The following TMEM132C variants were observed in gnomAD, a reference collection of about 807,000 sequenced individuals.
The protein encoded by TMEM132C is protein phosphatase 1, regulatory subunit 152.
TMEM132C carries 29 observed loss-of-function variants against 61.4 expected under a neutral mutation model. The ratio of observed to expected loss-of-function variants is 0.47; its 90% confidence interval spans 0.35 to 0.64. TMEM132C has a LOEUF of 0.64. Among genes scored for constraint, TMEM132C ranks in the 30% least tolerant of loss-of-function variants. The pLI is 0.00. For synonymous variants in TMEM132C, 656 were observed against 633.1 expected (o/e 1.04, Z -0.54); for missense variants, 1,408 against 1,476.9 (o/e 0.95, Z 0.76).
intron 1 of TMEM132C, among the ~76,000 whole-genome samples, chr12:128,353,471 G>A (rs555224227): frequency 6.6e-6 from 1 of 152,334 alleles, no homozygotes; most frequent in African/African-American, 2.4e-5. Context: ...TGCAGTGGCA[G>A]CATTCACAAG....
intron 1 of TMEM132C, among the ~76,000 whole-genome samples, chr12:128,333,662 T>C (rs1436911403): frequency 2.0e-5 from 3 of 151,506 alleles, no homozygotes; most frequent in Non-Finnish European, 4.4e-5. Context: ...GAGTTTATGG[T>C]GTGTGTGGTG....
intron 1 of TMEM132C, among the ~76,000 whole-genome samples, chr12:128,322,437 AT>A (rs1459650655): frequency 1.3e-5 from 2 of 152,242 alleles, no homozygotes; most frequent in African/African-American, 2.4e-5. Context: ...TAAGACAGAA[AT>A]TTTTGGAATG....
intron 2 of TMEM132C, among the ~76,000 whole-genome samples, chr12:128,528,310 C>T (rs745347738): frequency 2.0e-5 from 3 of 152,196 alleles, no homozygotes; most frequent in Non-Finnish European, 2.9e-5. Context: ...ACGATCTCTC[C>T]TCCTGATGGT....
chr12:128,568,116 G>A (rs569608729), intron 3 of TMEM132C, among the ~76,000 whole-genome samples: 1 of 152,296 alleles, frequency 6.6e-6, no homozygotes, highest in South Asian at 2.1e-4. Context: ...AACAAATGAT[G>A]CCAGGAGTAC....
chr12:128,467,941 T>C (rs1421074776), intron 2 of TMEM132C, among the ~76,000 whole-genome samples: 1 of 152,184 alleles, frequency 6.6e-6, no homozygotes, highest in African/African-American at 2.4e-5. Context: ...GGGGCATCAA[T>C]CAGACGGTCA....
chr12:128,334,735 A>G (rs1872751311), intron 1 of TMEM132C, among the ~76,000 whole-genome samples: 1 of 151,826 alleles, frequency 6.6e-6, no homozygotes, highest in Non-Finnish European at 1.5e-5. Context: ...AGCTGGGACT[A>G]CAGGTGCCCG....
chr12:128,359,950 C>T (rs148009284), intron 1 of TMEM132C, among the ~76,000 whole-genome samples: 76 of 152,168 alleles, frequency 5.0e-4, no homozygotes, highest in African/African-American at 1.4e-3. Context: ...TCCAGGAGGA[C>T]GGGTGATGAA....
intron 4 of TMEM132C, among the ~76,000 whole-genome samples, chr12:128,633,725 T>C (rs898646706): frequency 1.3e-5 from 2 of 152,216 alleles, no homozygotes; most frequent in Non-Finnish European, 2.9e-5. Context: ...GATTCTCACA[T>C]GGAAATCTAG....
chr12:128,415,366 CTG>C lies in TMEM132C; in HGVS notation c.723_724del (p.Ala242ArgfsTer3). 1 of 1,560,274 alleles carries C rather than the reference CTG, an allele frequency of 6.4e-7. No individual in the cohort carries two copies. The highest frequency in any genetic ancestry group is 8.7e-7 in the Non-Finnish European group (1 of 1,150,996). Reference sequence around the variant, plus strand: ...TGCACCCAGGAAACGAGCGAGGGGACTGTGCCGGGGGTGACTTCAGGAAGGGC... The same window carrying C: ...TGCACCCAGGAAACGAGCGAGGGGACTGCCGGGGGTGACTTCAGGAAGGGC... ...TVHPGNERGDCAGGDFRKGNA... is the reference protein window; with the variant it reads ...TVHPGNERGDXAGGDFRKGNA... On this transcript the variant is annotated frameshift_variant, in exon 2 of 9. Coordinates refer to ENST00000435159, the MANE Select transcript of TMEM132C (RefSeq NM_001136103.3). LOFTEE classifies it high-confidence loss of function. This position sits in a 1 kb window ranked among gnomAD's most constrained non-coding sequence, Gnocchi z 5.8.
intron 3 of TMEM132C, among the ~76,000 whole-genome samples, chr12:128,575,741 G>A (rs1875068621): frequency 6.6e-6 from 1 of 152,172 alleles, no homozygotes; most frequent in African/African-American, 2.4e-5. Context: ...TTATTTAAAA[G>A]TTATGGAATT....
chr12:128,428,938 T>G (rs1463430625), intron 2 of TMEM132C, among the ~76,000 whole-genome samples: 2 of 152,226 alleles, frequency 1.3e-5, no homozygotes, highest in Non-Finnish European at 2.9e-5. Context: ...CCATTTTCAA[T>G]GCATTATTAT....
At chr12:128,335,690 G>A (rs914223414) in intron 1 of TMEM132C, among the ~76,000 whole-genome samples, 1 of 152,190 alleles carries the variant, frequency 6.6e-6, no homozygotes, top group Non-Finnish European at 1.5e-5. Flanking sequence ...ACTACGTGAT[G>A]AAGCCAGTAT....
chr12:128,379,937 T>C (rs973146643), intron 1 of TMEM132C, among the ~76,000 whole-genome samples: 1 of 152,210 alleles, frequency 6.6e-6, no homozygotes, highest in Non-Finnish European at 1.5e-5. Context: ...CTGGGGATAG[T>C]CCGTGAGTAT....
intron 2 of TMEM132C, among the ~76,000 whole-genome samples, chr12:128,516,445 A>G (rs147450270): frequency 1.2e-4 from 18 of 152,302 alleles, no homozygotes; most frequent in African/African-American, 4.1e-4. Flanking sequence ...GAACATCAGG[A>G]CACAGGATGG....
rs1475831215 is a variant in TMEM132C at position 128,615,733 on chromosome 12, G to A, written c.1122-419G>A. On this transcript the variant is annotated intron_variant, in intron 3 of 8. Transcript: ENST00000435159. ...CTGCTGTGCAGCCCTATTCCTAACA[G>A]CCCATGGACTGGTACCGGTTCATGG... Among the ~76,000 whole-genome samples the A allele has an allele frequency of 2.0e-5, 3 of 152,158 alleles. No homozygotes were observed. The East Asian group carries it at 5.8e-4, about 29-fold the overall frequency.
At chr12:128,544,906 C>T (rs1038750967) in intron 3 of TMEM132C, among the ~76,000 whole-genome samples, 1 of 152,184 alleles carries the variant, frequency 6.6e-6, no homozygotes, top group African/African-American at 2.4e-5. Context: ...ACGGATTTAA[C>T]GTAACAGAAA....
chr12:128,281,554 A>G (rs1470555739), intron 1 of TMEM132C, among the ~76,000 whole-genome samples: 2 of 152,194 alleles, frequency 1.3e-5, no homozygotes, highest in African/African-American at 2.4e-5. Flanking sequence ...TCATTTGCAC[A>G]TTTTGGATAC....
At chr12:128,576,963 G>GT (rs11403405) in intron 3 of TMEM132C, among the ~76,000 whole-genome samples, 73,853 of 151,998 alleles carry the variant, frequency 0.49, 19,056 homozygotes, top group Non-Finnish European at 0.57. Flanking sequence ...CTTTTAAAGT[G>GT]TACCATCCAA....
chr12:128,342,642 G>A (rs1225615850), intron 1 of TMEM132C, among the ~76,000 whole-genome samples: 1 of 152,112 alleles, frequency 6.6e-6, no homozygotes, highest in Non-Finnish European at 1.5e-5. Context: ...ATCTGATTTT[G>A]CTCCACAAGC....
Sources: gnomAD v4.1 joint callset for allele counts (sites outside exome capture counted in the v4.1 genomes callset) on GRCh38, gnomAD v4.1.1 for gene constraint, Gnocchi (gnomAD v3.1) non-coding constraint, MANE v1.5 for transcripts, NCBI Gene and HGNC (gene_info 2026-07-23, HGNC 2026-07-21) for gene names.